Variants in DNAJA3 observed in about 807,000 individuals in gnomAD.
The protein encoded by DNAJA3 is dnaJ homolog subfamily A member 3, mitochondrial.
In DNAJA3, 29 loss-of-function variants were observed where a neutral mutation model predicts 54.9. The ratio of observed to expected loss-of-function variants is 0.53; its 90% CI spans 0.39 to 0.72. DNAJA3 has a LOEUF of 0.72. DNAJA3 is among the 30% of genes least tolerant of loss of function. DNAJA3 has a pLI of 0.00. For missense variants in DNAJA3, 708 were observed against 639.4 expected, an observed-to-expected ratio of 1.11 and a Z score of -1.16; for synonymous variants, 302 against 251.4, an observed-to-expected ratio of 1.20 and a Z score of -1.90.
Position 4,441,576 on chromosome 16 carries a change from G to A in DNAJA3, c.630+1G>A, listed in dbSNP as rs778520822. 6.2e-7 allele frequency: 1 copy of A among 1,612,790 alleles called. No homozygotes were observed. Among genetic ancestry groups the A allele is most frequent in the Non-Finnish European group, 8.5e-7 (1 of 1,179,658 alleles). On this transcript the variant is annotated splice_donor_variant, in intron 4 of 11. Transcript: ENST00000262375. LOFTEE classifies it high-confidence loss of function. ...GACCGTGTTTGATCAGCCTCAGGAA[G>A]TAAGTTCCTCACTTGGAAGAATTAT...
At chr16:4,434,567 T>C (rs778933963) in intron 2 of DNAJA3, 50 bp downstream of exon 2, 1 of 1,595,888 alleles carries the variant, frequency 6.3e-7, no homozygotes, top group South Asian at 1.1e-5. Flanking sequence ...AGGAATGTTG[T>C]TGATCCCATG....
chr16:4,448,828 C>G lies in DNAJA3; in HGVS notation c.1221C>G (p.His407Gln), dbSNP rs148777688. The change falls in exon 9 of 12, where the codon CAC becomes CAG. Residue 407 changes from histidine (H) to glutamine (Q), a missense_variant. By Grantham distance (24) the His-to-Gln change is conservative. Transcript: ENST00000262375. ...ACGGCTACGGAGACCACTACATCCA[C>G]ATCAAGATACGAGTTCCAAAGTAAG... ...NSYGYGDHYI[H>Q]IKIRVPKRLT... 6.2e-7 allele frequency: 1 copy of G among 1,613,860 alleles called. No homozygotes were observed. The highest frequency in any genetic ancestry group is 1.7e-5 in the Admixed American group (1 of 59,972).
intron 7 of DNAJA3, among the ~76,000 whole-genome samples, chr16:4,445,103 C>T (rs971382405): frequency 6.6e-6 from 1 of 152,192 alleles, no homozygotes; most frequent in Non-Finnish European, 1.5e-5. Flanking sequence ...TTAATGAAGA[C>T]AATGCCTTCT....
chr16:4,433,252 CA>C, intron 1 of DNAJA3: 1 of 152,200 alleles, frequency 6.6e-6, no homozygotes, highest in East Asian at 1.9e-4. Context: ...AATCCAGATC[CA>C]AAGTACAAAG....
rs541525393 is a variant in DNAJA3 at position 4,450,476 on chromosome 16, G to A, written c.1318G>A (p.Gly440Ser). The change falls in exon 10 of 12, where the codon GGC (glycine) becomes AGC (serine). Residue 440 changes from glycine (G) to serine (S), a missense_variant. By Grantham distance (56) the Gly-to-Ser change is moderately conservative. Transcript: ENST00000262375. Reference protein sequence around the residue: ...DETDVEGTVNGVTLTSSGGST... With the variant: ...DETDVEGTVNSVTLTSSGGST... ...GACAGATGTGGAGGGGACGGTGAAC[G>A]GCGTCACCCTCACCAGCTCTGGTAA... The A allele has an allele frequency of 6.2e-6, 10 of 1,610,362 alleles. No homozygotes were observed. The highest frequency in any genetic ancestry group is 1.1e-5 in the South Asian group (1 of 90,094).
chr16:4,425,994 G>T lies in DNAJA3; in HGVS notation c.113G>T (p.Trp38Leu). The T allele has an allele frequency of 6.2e-7, 1 of 1,602,682 alleles. No homozygotes were observed. The highest frequency in any genetic ancestry group is 8.5e-7 in the Non-Finnish European group (1 of 1,175,558). Residue 38 changes from tryptophan to leucine, a missense_variant, in exon 1 of 12, where the codon TGG (tryptophan) becomes TTG (leucine). By Grantham distance (61) the Trp-to-Leu change is moderately conservative. Transcript: ENST00000262375. ...CCCAGGGAGGGCGTGGTGGGGGCAT[G>T]GCTGAGCCGCAAGCTGAGCGTCCCC... The part of the protein sequence containing the change: ...RPPREGVVGA[W>L]LSRKLSVPAF...
chr16:4,432,958 G>A (rs1041804433), intron 1 of DNAJA3, among the ~76,000 whole-genome samples: 1 of 151,548 alleles, frequency 6.6e-6, no homozygotes, highest in Admixed American at 6.6e-5. Flanking sequence ...TGGCTAACAC[G>A]GCGAAACCCC....
chr16:4,445,349 G>C (rs2056890717), intron 7 of DNAJA3, among the ~76,000 whole-genome samples: 1 of 152,228 alleles, frequency 6.6e-6, no homozygotes. Flanking sequence ...AGACAGCAGG[G>C]ATGGAAGGCA....
intron 6 of DNAJA3, among the ~76,000 whole-genome samples, chr16:4,444,196 C>T (rs1448340667): frequency 1.3e-5 from 2 of 152,160 alleles, no homozygotes; most frequent in Non-Finnish European, 2.9e-5. Flanking sequence ...TGGAAGGTTA[C>T]CCATGTGCCT....
chr16:4,436,443 G>C (rs1411662169), intron 2 of DNAJA3, among the ~76,000 whole-genome samples: 16 of 152,202 alleles, frequency 1.1e-4, no homozygotes, highest in Non-Finnish European at 2.4e-4. Flanking sequence ...AAAAGATCAG[G>C]TAAAGCTGTA....
chr16:4,443,186 G>A, intron 6 of DNAJA3, 22 bp downstream of exon 6: 4 of 1,613,296 alleles, frequency 2.5e-6, no homozygotes, highest in Non-Finnish European at 3.4e-6. Context: ...GGCCCGCCAT[G>A]TCCAGGAGCT....
In DNAJA3 at chr16:4,442,425, G is replaced by T. The variant is rs1235585407; in HGVS notation, c.783+5G>T. The T allele has an allele frequency of 1.3e-6, 2 of 1,587,792 alleles. No individual in the cohort carries two copies. Among genetic ancestry groups the T allele is most frequent in the Non-Finnish European group, 1.7e-6 (2 of 1,166,018 alleles). On this transcript the variant is annotated splice_donor_5th_base_variant and intron_variant, in intron 5 of 11. Coordinates refer to ENST00000262375, the MANE Select transcript of DNAJA3 (RefSeq NM_005147.6). ...TACTGTGGCGGCTCCGGCATGGTAA[G>T]GCTCTGCCCGAGACTCCACCTCCCA...
intron 7 of DNAJA3, among the ~76,000 whole-genome samples, chr16:4,446,336 CA>C (rs1175646474): frequency 7.9e-5 from 12 of 151,004 alleles, no homozygotes; most frequent in Non-Finnish European, 1.6e-4. Flanking sequence ...CTTCATCTCC[CA>C]GGTTCAAGTG....
At position 4,443,148 on chromosome 16, in the gene DNAJA3, G is replaced by C. The variant is rs757226838; in HGVS notation, c.915G>C (p.Met305Ile). The change falls in exon 6 of 12, where the codon ATG becomes ATC. Residue 305 changes from methionine to isoleucine, a missense_variant. Transcript: ENST00000262375. ...AAGCCAAGCAGAAAAAGCGAGTGATGATCCCTGTGCCTGCAGGTGGGTGCT... is the reference window on the plus strand; with the variant it reads ...AAGCCAAGCAGAAAAAGCGAGTGATCATCCCTGTGCCTGCAGGTGGGTGCT... The part of the protein sequence containing the change: ...AGQAKQKKRV[M>I]IPVPAGVEDG... 1.2e-6 allele frequency: 2 copies of C among 1,614,016 alleles called. No homozygotes were observed. Among genetic ancestry groups the C allele is most frequent in the South Asian group, 2.2e-5 (2 of 91,070 alleles).
chr16:4,433,877 T>A (rs1022967720), intron 1 of DNAJA3: 1 of 157,986 alleles, frequency 6.3e-6, no homozygotes, highest in Non-Finnish European at 1.4e-5. Flanking sequence ...TGTGGCTTCC[T>A]TAGCCATTAT....
rs983714473 is a variant in DNAJA3 at position 4,442,597 on chromosome 16, A to T, written c.783+177A>T. ...GAGCCTGTGCTCCTCTTTCCCTGAT[A>T]CCACAGGCTCAGCAACCAGAGCACA... On this transcript the variant is annotated intron_variant, in intron 5 of 11. Transcript: ENST00000262375. 10 of 722,672 alleles carry T rather than the reference A, an allele frequency of 1.4e-5. No individual in the cohort carries two copies. In the Admixed American group the frequency reaches 3.7e-4, roughly 26 times the overall value. 44.8% of individuals were successfully genotyped at this position (722,672 alleles called of 1,614,324 possible).
Position 4,438,485 on chromosome 16 carries a change from G to A in DNAJA3, c.429+1000G>A, listed in dbSNP as rs573675594. Among the ~76,000 whole-genome samples the A allele has an allele frequency of 2.6e-5, 4 of 152,228 alleles. No individual in the cohort carries two copies. In the East Asian group the frequency reaches 7.7e-4, roughly 29 times the overall value. The stretch of plus-strand genomic sequence containing the variant: ...GGCATCACTGCTTTTTGGGGATAGA[G>A]GTTATTGTAAAAGTAGAAGCCCATT... On this transcript the variant is annotated intron_variant, in intron 3 of 11. Transcript: ENST00000262375.
At chr16:4,454,701 G>A (rs1340426139) in intron 10 of DNAJA3, 110 bp from the exon 11 acceptor site, 15 of 726,292 alleles carry the variant, frequency 2.1e-5, no homozygotes, top group East Asian at 5.4e-5. Context: ...GCACTTGGCC[G>A]CTTCTTGAAC....
chr16:4,429,556 C>T (rs747386755), intron 1 of DNAJA3, among the ~76,000 whole-genome samples: 3 of 151,968 alleles, frequency 2.0e-5, no homozygotes, highest in Non-Finnish European at 1.5e-5. Flanking sequence ...TGACTGTGGC[C>T]GGACATGGTG....
Sources: gnomAD v4.1 joint callset for allele counts (sites outside exome capture counted in the v4.1 genomes callset) on GRCh38, gnomAD v4.1.1 for gene constraint, MANE v1.5 for transcripts, NCBI Gene and HGNC (gene_info 2026-07-23, HGNC 2026-07-21) for gene names.